Variants in PDCD11 observed in about 807,000 individuals in gnomAD.
PDCD11 encodes programmed cell death 11.
A neutral mutation model predicts 198.9 loss-of-function variants in PDCD11; 97 were observed. That is an observed-to-expected ratio of 0.49 (90% CI 0.41 to 0.58). PDCD11 has a LOEUF of 0.58. Ranked by LOEUF, PDCD11 falls within the 20% of genes least tolerant of loss-of-function variation. The pLI, the probability that PDCD11 is intolerant of heterozygous loss-of-function variation, is 0.00. For missense variants in PDCD11, 2,102 were observed against 2,312.7 expected, an observed-to-expected ratio of 0.91 and a Z score of 1.87; for synonymous variants, 893 against 918.0, an observed-to-expected ratio of 0.97 and a Z score of 0.49.
At chr10:103,428,173 C>T (rs980862733) in intron 21 of PDCD11, among the ~76,000 whole-genome samples, 1 of 151,974 alleles carries the variant, frequency 6.6e-6, no homozygotes, top group Non-Finnish European at 1.5e-5. Context: ...GGTGTGGTGG[C>T]GGGCGCTTGT....
Position 103,423,031 on chromosome 10 carries a change from GT to G in PDCD11, c.2543del (p.Phe848SerfsTer4). On this transcript the variant is annotated frameshift_variant, in exon 18 of 36. Transcript: ENST00000369797. LOFTEE classifies it high-confidence loss of function. ...QTLAEMTPGMFLDLVVQEVLE... is the reference protein window; with the variant it reads ...QTLAEMTPGMXLDLVVQEVLE... ...CGCTGGCCGAGATGACCCCAGGAAT[GT>G]TCCTTGACCTAGTGGTGCAGGAGGT... 1 of 1,602,688 alleles carries G rather than the reference GT, an allele frequency of 6.2e-7. No homozygotes were observed. Among genetic ancestry groups the G allele is most frequent in the Non-Finnish European group, 8.5e-7 (1 of 1,174,252 alleles).
rs575204257 is a variant in PDCD11 at position 103,402,981 on chromosome 10, A to G, written c.235-137A>G. The G allele has an allele frequency of 2.9e-4, 229 of 792,708 alleles. 4 individuals are homozygous for G. In the South Asian group the frequency reaches 4.0e-3, roughly 14 times the overall value. The allele number at this position is 792,708 out of a possible 1,614,324, so 49.1% of individuals were successfully genotyped here. The stretch of plus-strand genomic sequence containing the variant: ...GGCAGTCCTCCTGCCTTGGCCACCC[A>G]AAGTATTGGAATTATAGGGCGTAAG... On this transcript the variant is annotated intron_variant, in intron 3 of 35. Coordinates refer to ENST00000369797, the MANE Select transcript of PDCD11 (RefSeq NM_014976.2).
intron 25 of PDCD11, among the ~76,000 whole-genome samples, chr10:103,437,074 CA>C (rs2032182343): frequency 6.6e-6 from 1 of 152,218 alleles, no homozygotes; most frequent in South Asian, 2.1e-4. Context: ...GGATCTAACA[CA>C]GAGCTGGTTC....
rs755464620 is a variant in PDCD11 at position 103,442,005 on chromosome 10, T to C, written c.4707+30T>C. 10 of 1,612,342 alleles carry C rather than the reference T, an allele frequency of 6.2e-6. No individual in the cohort carries two copies. The African/African-American group carries it at 1.2e-4, about 19-fold the overall frequency. ...TGTATTTTGCAGGGCATGTCCTTTT[T>C]GCAGGGACCCCTTGGTGTCAGTCTC... On this transcript the variant is annotated intron_variant, in intron 31 of 35. Transcript: ENST00000369797.
At chr10:103,427,205 G>A in intron 20 of PDCD11, 124 bp from the exon 21 acceptor site, 2 of 795,730 alleles carry the variant, frequency 2.5e-6, no homozygotes, top group South Asian at 2.8e-5. Context: ...TTCAGTGGTG[G>A]TGTGACAGTG....
intron 1 of PDCD11, among the ~76,000 whole-genome samples, chr10:103,397,530 G>C (rs2093443281): frequency 6.6e-6 from 1 of 152,166 alleles, no homozygotes; most frequent in Non-Finnish European, 1.5e-5. Context: ...CCGCCTCCCG[G>C]CCTCAAGCAA....
intron 25 of PDCD11, among the ~76,000 whole-genome samples, chr10:103,435,961 A>G (rs1009016893): frequency 2.0e-5 from 3 of 151,702 alleles, no homozygotes; most frequent in Admixed American, 6.6e-5. Flanking sequence ...TCACACCACT[A>G]TTGGCACTGG....
chr10:103,406,144 A>AGGT, intron 6 of PDCD11, 36 bp downstream of exon 6: 1 of 1,607,382 alleles, frequency 6.2e-7, no homozygotes, highest in Non-Finnish European at 8.5e-7. Flanking sequence ...CATGGTGGTG[A>AGGT]GGTGGTACAT....
intron 20 of PDCD11, among the ~76,000 whole-genome samples, chr10:103,426,785 C>CAA (rs767245487): frequency 1.8e-5 from 2 of 109,794 alleles, no homozygotes; most frequent in Non-Finnish European, 3.9e-5. Context: ...GACTCCGTTT[C>CAA]AAAAAAAAAA....
chr10:103,416,447 CATG>C (rs1315210976), intron 12 of PDCD11, 41 bp from the exon 13 acceptor site: 1 of 1,605,254 alleles, frequency 6.2e-7, no homozygotes, highest in Non-Finnish European at 8.5e-7. Context: ...CAGTGGCTCT[CATG>C]ATAACAGATA....
chr10:103,401,049 G>A (rs1259847764), intron 3 of PDCD11, among the ~76,000 whole-genome samples: 6 of 152,044 alleles, frequency 3.9e-5, no homozygotes, highest in African/African-American at 9.7e-5. Context: ...GCTACCCACC[G>A]TGCCTGCCCC....
intron 22 of PDCD11, among the ~76,000 whole-genome samples, chr10:103,433,052 C>T (rs183052278): frequency 2.0e-5 from 3 of 152,264 alleles, no homozygotes; most frequent in East Asian, 3.9e-4. Context: ...ATGTTGCTTG[C>T]TGTTGTAGTT....
At chr10:103,432,601 G>A (rs763158901) in intron 22 of PDCD11, among the ~76,000 whole-genome samples, 1 of 152,228 alleles carries the variant, frequency 6.6e-6, no homozygotes, top group Non-Finnish European at 1.5e-5. Flanking sequence ...GCCAGATTAT[G>A]TGTTCCAACC....
chr10:103,413,597 A>T (rs972835130), intron 9 of PDCD11, among the ~76,000 whole-genome samples: 1 of 152,210 alleles, frequency 6.6e-6, no homozygotes, highest in Non-Finnish European at 1.5e-5. Flanking sequence ...TTAAAGGGCT[A>T]TGTCATAAAT....
chr10:103,419,772 G>A, intron 16 of PDCD11, 64 bp downstream of exon 16: 1 of 1,461,318 alleles, frequency 6.8e-7, no homozygotes, highest in Non-Finnish European at 9.5e-7. Context: ...CCTGAGGGCG[G>A]GTAGGGAGGA....
At position 103,434,000 on chromosome 10, in the gene PDCD11, G is replaced by A. The variant is rs753005131; in HGVS notation, c.3527G>A (p.Gly1176Glu). ...GTGGAGATTGCCCCAGACATCCGGGGGAGAATTCCCTTATTGCTCACTTCT... is the reference window on the plus strand; with the variant it reads ...GTGGAGATTGCCCCAGACATCCGGGAGAGAATTCCCTTATTGCTCACTTCT... ...LEVEIAPDIRGRIPLLLTSLS... is the reference protein window; with the variant it reads ...LEVEIAPDIRERIPLLLTSLS... Residue 1176 changes from glycine to glutamate, a missense_variant, in exon 23 of 36, where the codon GGG (glycine) becomes GAG (glutamate). By Grantham distance (98) the Gly-to-Glu change is moderately conservative. Transcript: ENST00000369797. 2 of 1,614,058 alleles carry A rather than the reference G, an allele frequency of 1.2e-6. No individual in the cohort carries two copies. Among genetic ancestry groups the A allele is most frequent in the Admixed American group, 3.3e-5 (2 of 60,024 alleles).
At chr10:103,399,172 C>T (rs1480937095) in intron 2 of PDCD11, among the ~76,000 whole-genome samples, 4 of 136,700 alleles carry the variant, frequency 2.9e-5, no homozygotes, top group Admixed American at 2.4e-4. Flanking sequence ...AGTGCAGTGG[C>T]GTGAGTAGCT....
intron 2 of PDCD11, 120 bp downstream of exon 2, chr10:103,398,648 T>A: frequency 2.9e-6 from 2 of 681,652 alleles, no homozygotes. Flanking sequence ...TGAAGTCTAC[T>A]TCTATAAATT....
intron 21 of PDCD11, among the ~76,000 whole-genome samples, chr10:103,430,635 CT>C (rs945485194): frequency 4.1e-3 from 532 of 130,652 alleles, no homozygotes; most frequent in South Asian, 4.7e-3. Context: ...TCGTTATTTT[CT>C]TTTTTTTTTT....
Sources: allele counts gnomAD v4.1 joint callset (sites outside exome capture counted in the v4.1 genomes callset), GRCh38; gene constraint gnomAD v4.1.1; transcripts MANE v1.5; gene names NCBI Gene and HGNC (gene_info 2026-07-23, HGNC 2026-07-21).